Variants in SLC39A8 observed in about 807,000 individuals in gnomAD.
SLC39A8 encodes the protein metal cation symporter ZIP8.
A neutral mutation model predicts 40.4 loss-of-function variants in SLC39A8; 15 were observed. The ratio of observed to expected loss-of-function variants is 0.37; its 90% confidence interval spans 0.25 to 0.57. The LOEUF (loss-of-function observed/expected upper bound fraction) is 0.57, where lower values mean the gene tolerates loss of function less well. Ranked by LOEUF, SLC39A8 falls within the 20% of genes least tolerant of loss-of-function variation. SLC39A8 has a pLI of 0.75. For missense variants in SLC39A8, 472 were observed against 558.8 expected (o/e 0.84, Z 1.57); for synonymous variants, 223 against 221.6 (o/e 1.01, Z -0.06).
intron 2 of SLC39A8, among the ~76,000 whole-genome samples, chr4:102,330,313 G>A: frequency 6.6e-6 from 1 of 151,802 alleles, no homozygotes; most frequent in African/African-American, 2.4e-5. Flanking sequence ...AGAATCAAAA[G>A]GACATATTAA....
At chr4:102,285,207 CTCTT>C (rs1733108970) in intron 6 of SLC39A8, among the ~76,000 whole-genome samples, 2 of 152,166 alleles carry the variant, frequency 1.3e-5, no homozygotes, top group African/African-American at 2.4e-5. Flanking sequence ...ACATTGGTCT[CTCTT>C]TCTACTTATT....
At chr4:102,283,597 C>T (rs1219719149) in intron 6 of SLC39A8, among the ~76,000 whole-genome samples, 2 of 136,482 alleles carry the variant, frequency 1.5e-5, no homozygotes, top group Admixed American at 1.4e-4. Flanking sequence ...AAAAAAAACA[C>T]CATCCTAGAG....
intron 6 of SLC39A8, among the ~76,000 whole-genome samples, chr4:102,269,956 C>T (rs556384282): frequency 2.6e-5 from 4 of 152,136 alleles, no homozygotes; most frequent in South Asian, 2.1e-4. Context: ...ACAGGTGGAT[C>T]GGGTAGTTTG....
At chr4:102,332,813 C>T (rs1168578382) in intron 2 of SLC39A8, among the ~76,000 whole-genome samples, 1 of 152,196 alleles carries the variant, frequency 6.6e-6, no homozygotes. Context: ...GGCACATATA[C>T]ACCATGGAAT....
chr4:102,344,685 G>T lies in SLC39A8; in HGVS notation c.-23C>A. The T allele has an allele frequency of 7.0e-7, 1 of 1,434,500 alleles. No individual in the cohort carries two copies. Among genetic ancestry groups the T allele is most frequent in the Non-Finnish European group, 9.1e-7 (1 of 1,101,232 alleles). The allele number at this position is 1,434,500 out of a possible 1,614,324, so 88.9% of individuals were successfully genotyped here. ...CATCCTGGCCTGGGCTTCCCCTTGA[G>T]GGCCCGCGACGGGCTGCCGCGCAGA... On this transcript the variant is annotated 5_prime_UTR_variant, in exon 2 of 9. Transcript: ENST00000356736.
downstream of SLC39A8, among the ~76,000 whole-genome samples, chr4:102,260,537 G>C (rs1316775660): frequency 2.0e-5 from 3 of 152,182 alleles, no homozygotes; most frequent in Admixed American, 2.0e-4. Context: ...AACCATCTTA[G>C]AGCATGAAGC....
At chr4:102,322,703 G>T (rs1430631671) in intron 2 of SLC39A8, among the ~76,000 whole-genome samples, 2 of 152,096 alleles carry the variant, frequency 1.3e-5, no homozygotes, top group African/African-American at 4.8e-5. Flanking sequence ...CCCAGAAATG[G>T]TTTCAGATTT....
At chr4:102,273,481 G>T (rs1359684161) in intron 6 of SLC39A8, among the ~76,000 whole-genome samples, 3 of 152,194 alleles carry the variant, frequency 2.0e-5, no homozygotes, top group Non-Finnish European at 2.9e-5. Flanking sequence ...ATCTCCCTGG[G>T]TCAGTGCACC....
chr4:102,322,659 C>T (rs1735013418), intron 2 of SLC39A8, among the ~76,000 whole-genome samples: 1 of 152,084 alleles, frequency 6.6e-6, no homozygotes, highest in Non-Finnish European at 1.5e-5. Flanking sequence ...TCACATCACA[C>T]CAGAAATGAA....
chr4:102,258,650 G>A (rs1731768666), downstream of SLC39A8, among the ~76,000 whole-genome samples: 1 of 152,142 alleles, frequency 6.6e-6, no homozygotes, highest in African/African-American at 2.4e-5. Flanking sequence ...TCAGATGAAG[G>A]AAAGAAAAGG....
At chr4:102,315,118 T>G (rs1734600194) in intron 3 of SLC39A8, among the ~76,000 whole-genome samples, 1 of 152,188 alleles carries the variant, frequency 6.6e-6, no homozygotes, top group African/African-American at 2.4e-5. Flanking sequence ...GTTTAAAATT[T>G]CTTTGCATCA....
Position 102,297,909 on chromosome 4 carries a change from C to A in SLC39A8, c.840+6408G>T, listed in dbSNP as rs566919020. Among the ~76,000 whole-genome samples the A allele has an allele frequency of 2.8e-3, 427 of 151,962 alleles. 1 individual carries two copies. The highest frequency in any genetic ancestry group is 0.01 in the Middle Eastern group (3 of 294). ...CTCCAGCCTGGGTTATGGAGTGAGA[C>A]CCTGTCCTAAAACAACAAAACAAAA... On this transcript the variant is annotated intron_variant, in intron 6 of 8. Coordinates refer to ENST00000356736, the MANE Select transcript of SLC39A8 (RefSeq NM_001135146.2).
intron 2 of SLC39A8, among the ~76,000 whole-genome samples, chr4:102,332,671 T>C (rs1402438080): frequency 6.6e-6 from 1 of 152,244 alleles, no homozygotes; most frequent in Non-Finnish European, 1.5e-5. Context: ...ACTGGGTATA[T>C]ACCCAAAGGA....
Position 102,333,777 on chromosome 4 carries a change from ATGAG to A in SLC39A8, c.219+10663_219+10666del, listed in dbSNP as rs1735563495. ...TCTACAGATAGATAATCACAGCCAT[ATGAG>A]TCCTTGAAGATATACAGAAAGAGTG... is the stretch of plus-strand genomic sequence containing the variant. On this transcript the variant is annotated intron_variant, in intron 2 of 8. Transcript: ENST00000356736. Among the ~76,000 whole-genome samples the A allele has an allele frequency of 3.3e-5, 5 of 152,324 alleles. No homozygotes were observed. The South Asian group carries it at 1.0e-3, about 32-fold the overall frequency.
Position 102,344,579 on chromosome 4 carries a change from G to A in SLC39A8, c.84C>T (p.Ala28=), listed in dbSNP as rs1443666606. ...LGGVAEGPGL[A]FSEDVLSVFG... ...ACACGCTCAGCACATCCTCGCTGAAGGCTAGCCCTGGCCCCTCCGCCACTC... is the reference window on the plus strand; with the variant it reads ...ACACGCTCAGCACATCCTCGCTGAAAGCTAGCCCTGGCCCCTCCGCCACTC... Residue 28 remains alanine, a synonymous_variant, in exon 2 of 9, where the codon GCC becomes GCT. Coordinates refer to ENST00000356736, the MANE Select transcript of SLC39A8 (RefSeq NM_001135146.2). The A allele has an allele frequency of 1.9e-6, 3 of 1,549,488 alleles. No homozygotes were observed. The African/African-American group carries it at 4.1e-5, about 21-fold the overall frequency.
intron 6 of SLC39A8, among the ~76,000 whole-genome samples, chr4:102,297,045 C>T (rs776006122): frequency 6.6e-6 from 1 of 151,896 alleles, no homozygotes; most frequent in Non-Finnish European, 1.5e-5. Context: ...GTTACAATGA[C>T]CCTGTCTCAA....
intron 3 of SLC39A8, among the ~76,000 whole-genome samples, chr4:102,308,876 T>C (rs1734304709): frequency 6.6e-6 from 1 of 152,084 alleles, no homozygotes; most frequent in African/African-American, 2.4e-5. Context: ...GAAATACTAC[T>C]ACCTCCTTCA....
chr4:102,258,780 C>G (rs1252520079), downstream of SLC39A8, among the ~76,000 whole-genome samples: 2 of 152,172 alleles, frequency 1.3e-5, no homozygotes, highest in Admixed American at 6.5e-5. Flanking sequence ...CAGAGGGGTT[C>G]CTGCCAAGTG....
At chr4:102,259,556 T>G (rs1038792186), downstream of SLC39A8, 3 of 1,394,206 alleles carry the variant, frequency 2.2e-6, no homozygotes, top group Non-Finnish European at 3.0e-6. Context: ...GGGGGAGAGA[T>G]ATAAATAGGA....
Sources: allele counts gnomAD v4.1 joint callset (sites outside exome capture counted in the v4.1 genomes callset), GRCh38; gene constraint gnomAD v4.1.1; transcripts MANE v1.5; gene names NCBI Gene and HGNC (gene_info 2026-07-23, HGNC 2026-07-21).